Variants in PKHD1 observed in about 807,000 individuals in gnomAD.
PKHD1 encodes the protein fibrocystin.
PKHD1 carries 291 observed loss-of-function variants against 412.0 expected under a neutral mutation model. That is an observed-to-expected ratio of 0.71 (90% confidence interval 0.64 to 0.78). PKHD1 has a LOEUF of 0.78. PKHD1 is among the 30% of genes least tolerant of loss of function. The pLI is 0.00. For synonymous variants in PKHD1, 1,777 were observed against 1,821.5 expected (o/e 0.98, Z 0.62); for missense variants, 4,825 against 4,950.7 (o/e 0.97, Z 0.76).
rs569966461 is a variant in PKHD1, at chr6:51,938,490, T to C, written c.5909-4168A>G. Among the ~76,000 whole-genome samples, 184 of 112,834 alleles carry C rather than the reference T, an allele frequency of 1.6e-3. 5 individuals are homozygous for C. Among genetic ancestry groups the C allele is most frequent in the African/African-American group, 6.6e-3 (175 of 26,362 alleles). The allele number at this position is 112,834 out of a possible 152,430, so 74.0% of individuals were successfully genotyped here. On this transcript the variant is annotated intron_variant, in intron 36 of 66. Transcript: ENST00000371117. ...CAAAAAGCTCCCCCACTGAGCACGC[T>C]GTGACCCCCCACTCCTGCCCGCCAG... is the stretch of plus-strand genomic sequence containing the variant.
chr6:51,725,572 G>A (rs566235409), intron 60 of PKHD1, among the ~76,000 whole-genome samples: 6 of 152,272 alleles, frequency 3.9e-5, no homozygotes, highest in African/African-American at 1.2e-4. Context: ...AGAGACCATC[G>A]GGTGCTTGTG....
chr6:51,807,758 C>A (rs1281113286), intron 52 of PKHD1, among the ~76,000 whole-genome samples: 1 of 151,890 alleles, frequency 6.6e-6, no homozygotes, highest in Non-Finnish European at 1.5e-5. Context: ...CATTCATTCT[C>A]GAATAGAGAC....
At chr6:51,897,617 A>G (rs1222987836) in intron 43 of PKHD1, among the ~76,000 whole-genome samples, 1 of 145,536 alleles carries the variant, frequency 6.9e-6, no homozygotes, top group Non-Finnish European at 1.5e-5. Context: ...AACGAGCAAA[A>G]TCACCAGCTA....
chr6:51,855,824 TATCTCAAACAAAGAAAGATA>T, intron 49 of PKHD1, 49 bp downstream of exon 49: 1 of 1,210,592 alleles, frequency 8.3e-7, no homozygotes, highest in African/African-American at 1.5e-5. Flanking sequence ...TTCAACCCAT[TATCTCAAACAAAGAAAGATA>T]AGAACAAATG....
At position 52,025,663 on chromosome 6, in the gene PKHD1, G is replaced by A. The variant is rs1226122841; in HGVS notation, c.4147C>T (p.Gln1383Ter). The A allele has an allele frequency of 6.2e-7, 1 of 1,614,144 alleles. No homozygotes were observed. The highest frequency in any genetic ancestry group is 1.1e-5 in the South Asian group (1 of 91,074). ...ATCCGAGGCATCACTGCAAATTGCT[G>A]GAGCACCACAGACATATTAGCAAAT... is the stretch of plus-strand genomic sequence containing the variant. ...MGFANMSVVL[Q>*]QFAVMPRIMA... Residue 1383 changes from glutamine to a stop codon, truncating the protein, a stop_gained, in exon 32 of 67, where the codon CAG becomes TAG. Coordinates refer to ENST00000371117, the MANE Select transcript of PKHD1 (RefSeq NM_138694.4). LOFTEE classifies it high-confidence loss of function.
intron 6 of PKHD1, among the ~76,000 whole-genome samples, chr6:52,075,888 C>T (rs553396036): frequency 2.0e-5 from 3 of 152,070 alleles, no homozygotes; most frequent in South Asian, 2.1e-4. Flanking sequence ...CAGGTTTTGG[C>T]GAGGATCTAG....
chr6:51,893,953 G>C (rs150522103), intron 43 of PKHD1, among the ~76,000 whole-genome samples: 1 of 152,172 alleles, frequency 6.6e-6, no homozygotes, highest in African/African-American at 2.4e-5. Context: ...TCCTAAACAG[G>C]GGTCTGGTTA....
At chr6:52,056,829 G>T in intron 17 of PKHD1, 41 bp from the exon 18 acceptor site, 1 of 1,581,564 alleles carries the variant, frequency 6.3e-7, no homozygotes, top group Non-Finnish European at 8.7e-7. Context: ...TATATCATGA[G>T]CATAAAGACC....
chr6:51,917,696 G>A (rs1284516219), intron 37 of PKHD1, among the ~76,000 whole-genome samples: 2 of 152,248 alleles, frequency 1.3e-5, no homozygotes, highest in East Asian at 1.9e-4. Context: ...GGGGACATTC[G>A]AATAACTGCT....
At chr6:51,790,558 C>T (rs1290533149) in intron 53 of PKHD1, among the ~76,000 whole-genome samples, 1 of 152,098 alleles carries the variant, frequency 6.6e-6, no homozygotes, top group East Asian at 1.9e-4. Flanking sequence ...ATGGAATGGG[C>T]CAGGTGAGAT....
chr6:51,818,786 C>T (rs1001011890), intron 52 of PKHD1, among the ~76,000 whole-genome samples: 1 of 152,098 alleles, frequency 6.6e-6, no homozygotes, highest in African/African-American at 2.4e-5. Flanking sequence ...CTCCTTTCTG[C>T]TGCCTGGAAT....
At chr6:52,055,835 C>G in intron 18 of PKHD1, 106 bp from the exon 19 acceptor site, 1 of 1,234,372 alleles carries the variant, frequency 8.1e-7, no homozygotes, top group Non-Finnish European at 1.1e-6. Flanking sequence ...CTTAAGAAAA[C>G]CCCCGTTCTA....
chr6:51,926,664 GTGTGGTTTATACTA>G (rs1236721392), intron 37 of PKHD1, among the ~76,000 whole-genome samples: 1 of 152,096 alleles, frequency 6.6e-6, no homozygotes, highest in Non-Finnish European at 1.5e-5. Flanking sequence ...GTCCCCTAAA[GTGTGGTTTATACTA>G]TTAATTTAAG....
intron 53 of PKHD1, among the ~76,000 whole-genome samples, chr6:51,782,301 A>T (rs1792163232): frequency 6.6e-6 from 1 of 152,182 alleles, no homozygotes; most frequent in South Asian, 2.1e-4. Flanking sequence ...AGATTTAAGG[A>T]TAATGTGATG....
Position 51,950,220 on chromosome 6 carries a change from A to AAAT in PKHD1, c.5908+9649_5908+9650insATT. Among the ~76,000 whole-genome samples the AAAT allele has an allele frequency of 5.4e-3, 529 of 98,316 alleles. 6 individuals are homozygous for AAAT. Among genetic ancestry groups the AAAT allele is most frequent in the South Asian group, 0.02 (48 of 2,418 alleles). 64.5% of individuals were successfully genotyped at this position (98,316 alleles called of 152,430 possible). On this transcript the variant is annotated intron_variant, in intron 36 of 66. Coordinates refer to ENST00000371117, the MANE Select transcript of PKHD1 (RefSeq NM_138694.4). The stretch of plus-strand genomic sequence containing the variant: ...AATGGGCAATATAGAGAAAAAAAAA[A>AAAT]ATATATATATATATATATATGAAAT...
intron 36 of PKHD1, among the ~76,000 whole-genome samples, chr6:51,938,100 G>C (rs1347040011): frequency 6.8e-6 from 1 of 146,876 alleles, no homozygotes; most frequent in African/African-American, 2.6e-5. Flanking sequence ...CTAATGAAAG[G>C]CCACAAGGCT....
At chr6:51,946,896 CAATT>C (rs1176383372) in intron 36 of PKHD1, among the ~76,000 whole-genome samples, 2 of 152,182 alleles carry the variant, frequency 1.3e-5, no homozygotes, top group African/African-American at 4.8e-5. Flanking sequence ...GCTAACCCAA[CAATT>C]AGTCATCCTC....
At chr6:51,898,207 A>G (rs1361611969) in intron 43 of PKHD1, among the ~76,000 whole-genome samples, 4 of 152,072 alleles carry the variant, frequency 2.6e-5, no homozygotes, top group African/African-American at 7.2e-5. Context: ...TCAACAGAAT[A>G]TACATTTTTT....
chr6:51,790,608 G>T (rs192599969), intron 53 of PKHD1, among the ~76,000 whole-genome samples: 1 of 152,134 alleles, frequency 6.6e-6, no homozygotes, highest in Non-Finnish European at 1.5e-5. Flanking sequence ...ATTGTCCCAA[G>T]ATATGGTGGT....
Sources: allele counts gnomAD v4.1 joint callset (sites outside exome capture counted in the v4.1 genomes callset), GRCh38; gene constraint gnomAD v4.1.1; transcripts MANE v1.5; gene names NCBI Gene and HGNC (gene_info 2026-07-23, HGNC 2026-07-21).